The following PCGF3 variants were observed in gnomAD, a reference collection of about 807,000 sequenced individuals.
PCGF3 encodes the protein polycomb group RING finger protein 3.
PCGF3 carries 7 observed loss-of-function variants against 33.1 expected under a neutral mutation model. The ratio of observed to expected loss-of-function variants is 0.21; its 90% CI spans 0.12 to 0.40. PCGF3 has a LOEUF of 0.40. Ranked by LOEUF, PCGF3 falls within the 10% of genes least tolerant of loss-of-function variation. The pLI is 1.00. For synonymous variants in PCGF3, 153 were observed against 121.3 expected (o/e 1.26, Z -1.72); for missense variants, 211 against 313.3 (o/e 0.67, Z 2.46).
chr4:753,532 T>C (rs997950920), intron 8 of PCGF3, among the ~76,000 whole-genome samples: 5 of 151,942 alleles, frequency 3.3e-5, no homozygotes, highest in African/African-American at 1.2e-4. Context: ...TGGGCACCTG[T>C]ACTCGGAGGC....
chr4:718,417 A>C (rs187570256), intron 1 of PCGF3, among the ~76,000 whole-genome samples: 64 of 152,294 alleles, frequency 4.2e-4, no homozygotes, highest in African/African-American at 1.5e-3. Context: ...AGTGACTCTC[A>C]TCTGGGGTCC....
chr4:707,484 GCCGGGACCC>G (rs1742360092), intron 1 of PCGF3, among the ~76,000 whole-genome samples: 2 of 148,400 alleles, frequency 1.3e-5, no homozygotes, highest in African/African-American at 5.0e-5. Flanking sequence ...TCCCCTGGGG[GCCGGGACCC>G]TGGGACAGCC....
intron 9 of PCGF3, chr4:761,916 T>G (rs1745082294): frequency 1.0e-6 from 1 of 985,240 alleles, no homozygotes; most frequent in African/African-American, 1.7e-5. Context: ...CAGCTTTGCA[T>G]GGAGACAGAA....
intron 1 of PCGF3, among the ~76,000 whole-genome samples, chr4:709,271 A>G (rs1358544573): frequency 6.6e-6 from 1 of 151,516 alleles, no homozygotes; most frequent in African/African-American, 2.4e-5. Context: ...GCAAGAGTGA[A>G]TGATGCATGA....
intron 8 of PCGF3, among the ~76,000 whole-genome samples, chr4:750,951 T>A (rs1372128458): frequency 6.6e-6 from 1 of 152,186 alleles, no homozygotes; most frequent in African/African-American, 2.4e-5. Context: ...CTGTCATTTG[T>A]TTCAGCTGTG....
intron 1 of PCGF3, among the ~76,000 whole-genome samples, chr4:728,740 G>C (rs570567899): frequency 6.6e-6 from 1 of 152,178 alleles, no homozygotes; most frequent in African/African-American, 2.4e-5. Context: ...GTCAGGAGCC[G>C]CCAGCTGTAC....
intron 6 of PCGF3, among the ~76,000 whole-genome samples, chr4:740,228 G>A (rs774583304): frequency 3.7e-4 from 57 of 152,362 alleles, no homozygotes; most frequent in Admixed American, 9.8e-4. Context: ...ACGCCAACAC[G>A]GTCCTGCCCC....
Position 766,056 on chromosome 4 carries a change from A to C in PCGF3, c.706A>C (p.Arg236=), listed in dbSNP as rs761191431. 5 of 1,614,176 alleles carry C rather than the reference A, an allele frequency of 3.1e-6. No homozygotes were observed. The South Asian group carries it at 5.5e-5, about 18-fold the overall frequency. ...GAAGGCGCCGCTCCTGCTGCACTAC[A>C]GACCCAAGATGGACTTGCTGTGAAT... The change falls in exon 11 of 11, where the codon AGA becomes CGA. Residue 236 remains arginine, a synonymous_variant. Coordinates refer to ENST00000362003, the Ensembl canonical transcript of PCGF3.
chr4:766,571 G>A (rs1310765258), exon 11 of PCGF3: 1 of 152,302 alleles, frequency 6.6e-6, no homozygotes, highest in East Asian at 1.9e-4. Flanking sequence ...TGAAGATTTA[G>A]AAGTTATATA....
intron 8 of PCGF3, among the ~76,000 whole-genome samples, chr4:756,340 G>A (rs1744769403): frequency 6.6e-6 from 1 of 151,708 alleles, no homozygotes; most frequent in Admixed American, 6.6e-5. Context: ...CGCCTCCTGA[G>A]TAGCTGGGAT....
intron 8 of PCGF3, among the ~76,000 whole-genome samples, chr4:758,369 G>A (rs1368992865): frequency 7.1e-6 from 1 of 141,222 alleles, no homozygotes; most frequent in Non-Finnish European, 1.5e-5. Flanking sequence ...TTCTCCCCTC[G>A]AGGCCCCTCT....
intron 1 of PCGF3, among the ~76,000 whole-genome samples, chr4:723,091 C>T (rs1010589531): frequency 1.1e-4 from 17 of 148,092 alleles, no homozygotes; most frequent in Admixed American, 6.6e-4. Flanking sequence ...CGCCCACCCG[C>T]GCCGGGTCCA....
chr4:744,816 G>C (rs796909730), intron 8 of PCGF3, 128 bp downstream of exon 8: 7,648 of 26,720 alleles, frequency 0.29, 1,138 homozygotes, highest in East Asian at 0.37. Flanking sequence ...GGCGGGGCCC[G>C]GGGGTCGCTG....
chr4:728,957 G>T (rs959298465), intron 1 of PCGF3, among the ~76,000 whole-genome samples: 3 of 151,958 alleles, frequency 2.0e-5, no homozygotes, highest in Admixed American at 6.6e-5. Flanking sequence ...AAAGTTAACT[G>T]GGCGTGGTGG....
chr4:756,704 C>A (rs34959417), intron 8 of PCGF3, among the ~76,000 whole-genome samples: 2 of 151,854 alleles, frequency 1.3e-5, no homozygotes, highest in Non-Finnish European at 2.9e-5. Flanking sequence ...CCCAGTGTTA[C>A]ACAGCCACCA....
Position 720,888 on chromosome 4 carries a change from G to A in PCGF3, c.-189-9742G>A, listed in dbSNP as rs1743050633. On this transcript the variant is annotated intron_variant, in intron 1 of 10. Coordinates refer to ENST00000362003, the Ensembl canonical transcript of PCGF3. The surrounding 1 kb of genome is among the most constrained non-coding windows in gnomAD (Gnocchi z 5.6). ...TACTGCTCAGACTTGTGTGGAGGGT[G>A]AATTAGTGCGAGGGCGGCTTGGAGA... Among the ~76,000 whole-genome samples the A allele has an allele frequency of 1.3e-5, 2 of 152,334 alleles. No homozygotes were observed. Among genetic ancestry groups the A allele is most frequent in the East Asian group, 1.9e-4 (1 of 5,186 alleles).
chr4:706,058 G>T (rs1369843315), intron 1 of PCGF3, 88 bp downstream of exon 1: 1 of 153,540 alleles, frequency 6.5e-6, no homozygotes, highest in African/African-American at 2.4e-5. Flanking sequence ...GGAAGGCTCC[G>T]AACCCCGGGC....
chr4:762,155 G>C (rs1745096433), intron 9 of PCGF3: 1 of 875,188 alleles, frequency 1.1e-6, no homozygotes, highest in Non-Finnish European at 1.4e-6. Flanking sequence ...CCCAGAGCCT[G>C]CAAATGGGAT....
intron 1 of PCGF3, among the ~76,000 whole-genome samples, chr4:711,499 G>A (rs1742565620): frequency 1.5e-5 from 2 of 137,488 alleles, no homozygotes; most frequent in Admixed American, 1.5e-4. Flanking sequence ...CGCCCAGGCC[G>A]GACTGCGGAC....
Sources: allele counts gnomAD v4.1 joint callset (sites outside exome capture counted in the v4.1 genomes callset), GRCh38; gene constraint gnomAD v4.1.1; non-coding constraint Gnocchi (gnomAD v3.1); transcripts MANE v1.5; gene names NCBI Gene and HGNC (gene_info 2026-07-23, HGNC 2026-07-21).